LRCH1: variants seen among roughly 807,000 people sequenced by gnomAD.
LRCH1 encodes the protein leucine-rich repeat and calponin homology domain-containing protein 1.
LRCH1 carries 23 observed loss-of-function variants against 94.9 expected under a neutral mutation model. The observed-to-expected ratio is 0.24, with a 90% CI of 0.17 to 0.34. The LOEUF (loss-of-function observed/expected upper bound fraction) is 0.34, where lower values mean the gene tolerates loss of function less well. LRCH1 is among the 10% of genes least tolerant of loss of function. The probability of loss-of-function intolerance (pLI) is 1.00; values close to 1 mark genes in which losing one functional copy is unlikely to be tolerated. For synonymous variants in LRCH1, 364 were observed against 354.9 expected, an observed-to-expected ratio of 1.03 and a Z score of -0.29; for missense variants, 790 against 945.9, an observed-to-expected ratio of 0.84 and a Z score of 2.16.
chr13:46,671,170 G>T (rs1404130698), intron 3 of LRCH1, among the ~76,000 whole-genome samples: 2 of 152,194 alleles, frequency 1.3e-5, no homozygotes, highest in Non-Finnish European at 2.9e-5. Context: ...GTCATGGGCT[G>T]TTTCTTCCTC....
intron 1 of LRCH1, among the ~76,000 whole-genome samples, chr13:46,598,630 T>C: frequency 6.6e-6 from 1 of 151,636 alleles, no homozygotes; most frequent in East Asian, 1.9e-4. Context: ...AGCCTTGCTC[T>C]GGGTTTTGAG....
At position 46,715,551 on chromosome 13, in the gene LRCH1, C is replaced by T. The variant is rs113311510; in HGVS notation, c.1655-9C>T. Reference sequence around the variant, plus strand: ...CTGTACGCGGACTGGCTCTCTGGCTCCCCTGCAGACCCAGCCCTCATTCTT... The same window carrying T: ...CTGTACGCGGACTGGCTCTCTGGCTTCCCTGCAGACCCAGCCCTCATTCTT... On this transcript the variant is annotated splice_polypyrimidine_tract_variant and intron_variant, in intron 15 of 19. Coordinates refer to ENST00000389797, the MANE Select transcript of LRCH1 (RefSeq NM_001164211.2). 371 of 1,516,036 alleles carry T rather than the reference C, an allele frequency of 2.4e-4. 3 individuals are homozygous for T. The African/African-American group carries it at 4.6e-3, about 19-fold the overall frequency. 93.9% of individuals were successfully genotyped at this position (1,516,036 alleles called of 1,614,324 possible).
chr13:46,720,655 G>T (rs1872551888), intron 16 of LRCH1, among the ~76,000 whole-genome samples: 1 of 152,062 alleles, frequency 6.6e-6, no homozygotes, highest in Non-Finnish European at 1.5e-5. Context: ...TTCTTTTGTA[G>T]ATCAATTTCC....
chr13:46,652,055 GTTTT>G (rs71077910), intron 2 of LRCH1, among the ~76,000 whole-genome samples: 1 of 56,026 alleles, frequency 1.8e-5, no homozygotes, highest in Admixed American at 1.7e-4. Flanking sequence ...GCCTGCTGAT[GTTTT>G]TTTTTTTTTT....
intron 17 of LRCH1, 55 bp from the exon 18 acceptor site, chr13:46,728,792 C>G: frequency 6.7e-7 from 1 of 1,494,768 alleles, no homozygotes; most frequent in Non-Finnish European, 9.0e-7. Context: ...ATGTATTTTA[C>G]TCACAGTTAC....
intron 2 of LRCH1, 38 bp from the exon 3 acceptor site, chr13:46,668,992 T>C (rs1258963184): frequency 6.2e-6 from 10 of 1,611,462 alleles, no homozygotes; most frequent in Non-Finnish European, 7.6e-6. Flanking sequence ...GAAGTGGCCT[T>C]TCTGTTTACA....
At chr13:46,691,387 A>C (rs1433434446) in intron 7 of LRCH1, among the ~76,000 whole-genome samples, 2 of 152,214 alleles carry the variant, frequency 1.3e-5, no homozygotes, top group Admixed American at 6.5e-5. Flanking sequence ...TAACTACTAC[A>C]GTTGTTTAGC....
In LRCH1 at chr13:46,729,003, A is replaced by C; in HGVS notation, c.2007+19A>C. On this transcript the variant is annotated intron_variant, in intron 18 of 19. Transcript: ENST00000389797. The stretch of plus-strand genomic sequence containing the variant: ...AGCGGTTGTAAGTAACACCAAAGGG[A>C]AACTAACTGACATAAAACAGACCTT... 1.2e-6 allele frequency: 2 copies of C among 1,607,954 alleles called. No individual in the cohort carries two copies. Among genetic ancestry groups the C allele is most frequent in the Non-Finnish European group, 1.7e-6 (2 of 1,175,930 alleles).
intron 1 of LRCH1, among the ~76,000 whole-genome samples, chr13:46,595,197 T>C (rs555383095): frequency 4.6e-5 from 7 of 152,306 alleles, no homozygotes; most frequent in African/African-American, 1.7e-4. Flanking sequence ...GTGGCAGACT[T>C]TAATGAATGT....
At chr13:46,611,466 A>G (rs6561323) in intron 1 of LRCH1, among the ~76,000 whole-genome samples, 127,640 of 152,170 alleles carry the variant, frequency 0.84, 54,100 homozygotes, top group African/African-American at 0.96. Context: ...TCAAAAACAC[A>G]TGAGAGATGG....
intron 1 of LRCH1, among the ~76,000 whole-genome samples, chr13:46,559,765 G>C (rs2050109338): frequency 6.6e-6 from 1 of 152,216 alleles, no homozygotes; most frequent in South Asian, 2.1e-4. Context: ...CTCTACTGGA[G>C]AGTTTGTCAG....
intron 1 of LRCH1, 150 bp downstream of exon 1, chr13:46,553,853 G>A: frequency 6.8e-7 from 1 of 1,461,010 alleles, no homozygotes; most frequent in Non-Finnish European, 9.2e-7. Context: ...GGACTCGCGT[G>A]GGCGCGGAAG....
chr13:46,736,336 T>G (rs1213185162), intron 19 of LRCH1, among the ~76,000 whole-genome samples: 1 of 152,184 alleles, frequency 6.6e-6, no homozygotes, highest in Non-Finnish European at 1.5e-5. Flanking sequence ...GGCATTTTCC[T>G]GTATACTCAA....
chr13:46,733,581 A>G (rs1428192048), intron 18 of LRCH1, among the ~76,000 whole-genome samples: 1 of 152,162 alleles, frequency 6.6e-6, no homozygotes, highest in Non-Finnish European at 1.5e-5. Context: ...GTGTATACAT[A>G]TATACATATG....
At chr13:46,671,184 G>C (rs548162662) in intron 3 of LRCH1, among the ~76,000 whole-genome samples, 1 of 152,128 alleles carries the variant, frequency 6.6e-6, no homozygotes, top group African/African-American at 2.4e-5. Context: ...CTTCCTCCCC[G>C]CTCCTTTCTT....
intron 2 of LRCH1, among the ~76,000 whole-genome samples, chr13:46,667,504 C>T (rs1186390649): frequency 8.5e-6 from 1 of 118,266 alleles, no homozygotes; most frequent in African/African-American, 3.4e-5. Flanking sequence ...GGAAGGGGAA[C>T]ATCACACACC....
intron 1 of LRCH1, among the ~76,000 whole-genome samples, chr13:46,638,069 G>A (rs8001837): frequency 0.59 from 90,031 of 152,058 alleles, 26,645 homozygotes; most frequent in South Asian, 0.67. Context: ...ATATCTTTGA[G>A]TCGTTTCCAA....
chr13:46,640,084 C>T (rs1305372898), intron 1 of LRCH1, among the ~76,000 whole-genome samples: 1 of 152,218 alleles, frequency 6.6e-6, no homozygotes, highest in African/African-American at 2.4e-5. Flanking sequence ...ATACATTGAT[C>T]ATTGAATGGA....
At chr13:46,638,656 C>T (rs2051121639) in intron 1 of LRCH1, among the ~76,000 whole-genome samples, 2 of 152,150 alleles carry the variant, frequency 1.3e-5, no homozygotes, top group African/African-American at 2.4e-5. Context: ...ATTTCCATCC[C>T]AAATTAGCAA....
Sources: allele counts gnomAD v4.1 joint callset (sites outside exome capture counted in the v4.1 genomes callset), GRCh38; gene constraint gnomAD v4.1.1; transcripts MANE v1.5; gene names NCBI Gene and HGNC (gene_info 2026-07-23, HGNC 2026-07-21).